The following PTPRT variants were observed in gnomAD, a reference collection of about 807,000 sequenced individuals.
The protein encoded by PTPRT is receptor-type tyrosine-protein phosphatase T.
PTPRT carries 56 observed loss-of-function variants against 176.8 expected under a neutral mutation model. That is an observed-to-expected ratio of 0.32 (90% confidence interval 0.26 to 0.40). The LOEUF (loss-of-function observed/expected upper bound fraction) is 0.40, where lower values mean the gene tolerates loss of function less well. PTPRT is among the 10% of genes least tolerant of loss of function. The pLI, the probability that PTPRT is intolerant of heterozygous loss-of-function variation, is 1.00. For missense variants in PTPRT, 1,540 were observed against 1,908.2 expected (o/e 0.81, Z 3.60); for synonymous variants, 783 against 739.0 (o/e 1.06, Z -0.96).
chr20:43,088,321 G>T (rs2011686078), intron 1 of PTPRT, among the ~76,000 whole-genome samples: 2 of 141,926 alleles, frequency 1.4e-5, no homozygotes, highest in African/African-American at 5.3e-5. Flanking sequence ...GTTAGGTTTT[G>T]TTTTGCTTTG....
chr20:43,117,928 G>C (rs752310837), intron 1 of PTPRT, among the ~76,000 whole-genome samples: 1 of 152,048 alleles, frequency 6.6e-6, no homozygotes. Flanking sequence ...AGATAGCATC[G>C]ACATTCAGTA....
intron 9 of PTPRT, among the ~76,000 whole-genome samples, chr20:42,389,270 T>C (rs1161871999): frequency 6.6e-6 from 1 of 150,970 alleles, no homozygotes; most frequent in Admixed American, 6.6e-5. Context: ...GAACTTAAAG[T>C]ATAAAAAAAA....
chr20:42,340,345 A>G (rs2145473138), intron 11 of PTPRT, among the ~76,000 whole-genome samples: 1 of 152,316 alleles, frequency 6.6e-6, no homozygotes, highest in Non-Finnish European at 1.5e-5. Flanking sequence ...AATTCTTCGT[A>G]AGCCTATACC....
chr20:42,618,466 G>T (rs1212759746), intron 7 of PTPRT, among the ~76,000 whole-genome samples: 1 of 135,384 alleles, frequency 7.4e-6, no homozygotes. Context: ...TCCGCTTGGT[G>T]CAGAGCTGAG....
chr20:42,123,910 C>T lies in PTPRT; in HGVS notation c.2848-3939G>A, dbSNP rs575071625. 1.1e-4 allele frequency among the ~76,000 whole-genome samples: 16 copies of T among 152,342 alleles called. No homozygotes were observed. The South Asian group carries it at 3.3e-3, about 32-fold the overall frequency. ...ACACTATTCTTTCTTCATTTACATG[C>T]TCCCCCAGTTGAATGGGAGCTCCAT... On this transcript the variant is annotated intron_variant, in intron 19 of 30. Coordinates refer to ENST00000373187, the MANE Select transcript of PTPRT (RefSeq NM_007050.6).
At chr20:42,852,692 C>G (rs1370620825) in intron 2 of PTPRT, among the ~76,000 whole-genome samples, 1 of 152,172 alleles carries the variant, frequency 6.6e-6, no homozygotes, top group Non-Finnish European at 1.5e-5. Flanking sequence ...TGTTCCCCAC[C>G]AAGCCCAGCC....
At chr20:42,781,246 C>T (rs2077211110) in intron 3 of PTPRT, among the ~76,000 whole-genome samples, 1 of 152,250 alleles carries the variant, frequency 6.6e-6, no homozygotes, top group South Asian at 2.1e-4. Flanking sequence ...GCCCCCATTC[C>T]TTTGCACCTT....
chr20:42,568,693 A>G (rs1002721956), intron 7 of PTPRT, among the ~76,000 whole-genome samples: 2 of 152,104 alleles, frequency 1.3e-5, no homozygotes, highest in African/African-American at 4.8e-5. Context: ...CTCCTGGCCT[A>G]CAGAGAGCTG....
intron 6 of PTPRT, among the ~76,000 whole-genome samples, chr20:42,714,965 T>C (rs1374025628): frequency 1.3e-5 from 2 of 152,182 alleles, no homozygotes; most frequent in East Asian, 1.9e-4. Flanking sequence ...AACAGAAATG[T>C]GAGAGGTTGA....
chr20:42,547,372 T>A (rs1033642), intron 7 of PTPRT, among the ~76,000 whole-genome samples: 1 of 151,936 alleles, frequency 6.6e-6, no homozygotes, highest in Non-Finnish European at 1.5e-5. Flanking sequence ...ACTTTCTATA[T>A]GTATATGTGA....
intron 9 of PTPRT, among the ~76,000 whole-genome samples, chr20:42,368,463 A>G (rs751641106): frequency 6.6e-6 from 1 of 152,124 alleles, no homozygotes; most frequent in Non-Finnish European, 1.5e-5. Flanking sequence ...CCCTTCAAGT[A>G]TGGCTGGGAG....
intron 2 of PTPRT, among the ~76,000 whole-genome samples, chr20:42,818,526 G>A (rs1363134098): frequency 6.6e-6 from 1 of 152,188 alleles, no homozygotes; most frequent in Non-Finnish European, 1.5e-5. Context: ...GCATAAAACT[G>A]GATGGAGGAT....
chr20:42,331,419 GT>G (rs11086829), intron 11 of PTPRT, among the ~76,000 whole-genome samples: 81,981 of 149,764 alleles, frequency 0.55, 22,466 homozygotes, highest in East Asian at 0.7. Flanking sequence ...TCTCTGAACA[GT>G]TTTTTTTTTT....
chr20:43,013,232 G>C (rs1412045534), intron 1 of PTPRT, among the ~76,000 whole-genome samples: 1 of 151,734 alleles, frequency 6.6e-6, no homozygotes, highest in East Asian at 1.9e-4. Context: ...AACATGCCTG[G>C]TCTACAGAAC....
intron 9 of PTPRT, among the ~76,000 whole-genome samples, chr20:42,441,344 C>T (rs1214939435): frequency 4.6e-5 from 7 of 152,168 alleles, no homozygotes; most frequent in Admixed American, 2.0e-4. Context: ...AAGAGCATTA[C>T]AGGCAGAAGG....
intron 22 of PTPRT, among the ~76,000 whole-genome samples, chr20:42,114,000 C>T (rs577587775): frequency 4.9e-4 from 74 of 152,294 alleles, no homozygotes; most frequent in Non-Finnish European, 9.3e-4. Context: ...GTGTGCATGC[C>T]GGGCTCTAGT....
At chr20:42,735,766 C>T (rs1488936307) in intron 6 of PTPRT, among the ~76,000 whole-genome samples, 1 of 152,044 alleles carries the variant, frequency 6.6e-6, no homozygotes, top group East Asian at 1.9e-4. Flanking sequence ...TGCTCTGGGG[C>T]TTCTCGTGCC....
chr20:42,922,080 C>T (rs1415970192), intron 1 of PTPRT, among the ~76,000 whole-genome samples: 2 of 152,076 alleles, frequency 1.3e-5, no homozygotes, highest in African/African-American at 4.8e-5. Context: ...GGACTACAGG[C>T]GTGTACCACC....
chr20:42,667,274 G>A (rs1369092531), intron 7 of PTPRT, among the ~76,000 whole-genome samples: 1 of 152,154 alleles, frequency 6.6e-6, no homozygotes, highest in Admixed American at 6.5e-5. Context: ...TTGAGCAAGT[G>A]TGTGGCCTTG....
Sources: gnomAD v4.1 joint callset for allele counts (sites outside exome capture counted in the v4.1 genomes callset) on GRCh38, gnomAD v4.1.1 for gene constraint, MANE v1.5 for transcripts, NCBI Gene and HGNC (gene_info 2026-07-23, HGNC 2026-07-21) for gene names.